Variants in TAOK1 observed in about 807,000 individuals in gnomAD.
TAOK1 encodes serine/threonine-protein kinase TAO1.
Under a neutral mutation model 138.3 loss-of-function variants are expected in TAOK1, and 21 were observed. That is an observed-to-expected ratio of 0.15 (90% CI 0.11 to 0.22). TAOK1 has a LOEUF of 0.22. Among genes scored for constraint, TAOK1 ranks in the 10% least tolerant of loss-of-function variants. The probability of loss-of-function intolerance (pLI) is 1.00; values close to 1 mark genes in which losing one functional copy is unlikely to be tolerated. For missense variants in TAOK1, 651 were observed against 1,227.7 expected (o/e 0.53, Z 7.02); for synonymous variants, 361 against 398.4 (o/e 0.91, Z 1.12).
chr17:29,548,635 C>T lies in TAOK1; in HGVS notation c.*5613C>T, dbSNP rs751600729. On this transcript the variant is annotated 3_prime_UTR_variant, in exon 20 of 20. Coordinates refer to ENST00000261716, the MANE Select transcript of TAOK1 (RefSeq NM_020791.4). ...GATACCCAGAATTCCCCCCAAAGTA[C>T]GGGTAATTCAACCTGCACAGTTTTC... 2 of 152,074 alleles carry T rather than the reference C, an allele frequency of 1.3e-5. No individual in the cohort carries two copies. The highest frequency in any genetic ancestry group is 4.8e-5 in the African/African-American group (2 of 41,422). The allele number at this position is 152,074 out of a possible 1,614,324, so 9.4% of individuals were successfully genotyped here.
intron 2 of TAOK1, among the ~76,000 whole-genome samples, chr17:29,452,420 A>G (rs17225878): frequency 0.16 from 24,782 of 152,088 alleles, 3,056 homozygotes; most frequent in East Asian, 0.65. Flanking sequence ...TTCAGAGTCA[A>G]TCTTAGTCTT....
chr17:29,403,554 TCTC>T (rs1487708317), intron 1 of TAOK1, among the ~76,000 whole-genome samples: 21 of 152,276 alleles, frequency 1.4e-4, no homozygotes, highest in African/African-American at 4.6e-4. Flanking sequence ...ATTTAAGTAA[TCTC>T]CTGCTGCATA....
chr17:29,480,626 T>C, intron 7 of TAOK1, 145 bp downstream of exon 7: 1 of 627,110 alleles, frequency 1.6e-6, no homozygotes, highest in Non-Finnish European at 2.6e-6. Flanking sequence ...CCCAGAACTT[T>C]GGGAGGCCGA....
At chr17:29,413,673 A>G (rs1661068163) in intron 1 of TAOK1, among the ~76,000 whole-genome samples, 1 of 152,154 alleles carries the variant, frequency 6.6e-6, no homozygotes, top group Non-Finnish European at 1.5e-5. Context: ...ACAGTGTTGT[A>G]TAGCTACTGT....
At chr17:29,530,960 A>G (rs1442999790) in intron 18 of TAOK1, among the ~76,000 whole-genome samples, 1 of 42,442 alleles carries the variant, frequency 2.4e-5, no homozygotes, top group African/African-American at 1.0e-4. Context: ...GTACAAGTAC[A>G]AATTTTTTTT....
chr17:29,503,561 C>T (rs182597505), intron 13 of TAOK1, among the ~76,000 whole-genome samples: 8 of 152,166 alleles, frequency 5.3e-5, no homozygotes, highest in Admixed American at 1.3e-4. Flanking sequence ...TACAAGGATG[C>T]TATAATGGGG....
chr17:29,469,107 C>T (rs1181450567), intron 3 of TAOK1, among the ~76,000 whole-genome samples: 1 of 151,988 alleles, frequency 6.6e-6, no homozygotes, highest in Admixed American at 6.6e-5. Context: ...TTCTGCCTGG[C>T]ACTGTGGTTC....
chr17:29,479,330 G>A (rs1049873855), intron 6 of TAOK1, among the ~76,000 whole-genome samples: 1 of 152,076 alleles, frequency 6.6e-6, no homozygotes, highest in Non-Finnish European at 1.5e-5. Flanking sequence ...TATGAACCAG[G>A]CAGTACATTT....
intron 1 of TAOK1, among the ~76,000 whole-genome samples, chr17:29,429,280 T>C (rs1905750873): frequency 6.6e-6 from 1 of 152,070 alleles, no homozygotes; most frequent in African/African-American, 2.4e-5. Flanking sequence ...TTCATCTACT[T>C]TCCTCTGATT....
intron 6 of TAOK1, among the ~76,000 whole-genome samples, chr17:29,478,747 G>C (rs998198813): frequency 2.0e-4 from 30 of 152,142 alleles, no homozygotes; most frequent in African/African-American, 6.8e-4. Context: ...GATAGAGCTA[G>C]AACTAAATCT....
intron 12 of TAOK1, among the ~76,000 whole-genome samples, chr17:29,499,400 T>G (rs995086612): frequency 6.6e-6 from 1 of 151,474 alleles, no homozygotes. Flanking sequence ...CCTGGCTAAT[T>G]TTTGTATTCT....
intron 2 of TAOK1, among the ~76,000 whole-genome samples, chr17:29,457,681 C>T (rs1379151352): frequency 2.0e-5 from 3 of 151,446 alleles, no homozygotes; most frequent in Non-Finnish European, 4.4e-5. Flanking sequence ...GCTGGGATTA[C>T]AGGCGTGAGC....
At chr17:29,432,252 A>G (rs557285876) in intron 1 of TAOK1, among the ~76,000 whole-genome samples, 26 of 152,348 alleles carry the variant, frequency 1.7e-4, no homozygotes, top group African/African-American at 5.8e-4. Context: ...GGGCCAAAAC[A>G]AAGGTATGGG....
intron 1 of TAOK1, among the ~76,000 whole-genome samples, chr17:29,410,133 T>C (rs752938507): frequency 1.1e-4 from 16 of 152,344 alleles, no homozygotes; most frequent in Admixed American, 4.6e-4. Flanking sequence ...CATTGCTGTG[T>C]GAGCGGGCAA....
At chr17:29,512,462 C>T (rs2153029758) in intron 15 of TAOK1, 1 of 152,176 alleles carries the variant, frequency 6.6e-6, no homozygotes, top group East Asian at 1.9e-4. Context: ...TCACTGCAAC[C>T]TTTGCCGCCT....
At position 29,534,303 on chromosome 17, in the gene TAOK1, AT is replaced by A; in HGVS notation, c.2544+4del. ...GGAGGGCACTCTTAGAACAAAAGGT[AT>A]AAGTAATAGAAGGAAAAATCATTGT... On this transcript the variant is annotated splice_donor_region_variant and intron_variant, in intron 19 of 19. Transcript: ENST00000261716. 6.4e-7 allele frequency: 1 copy of A among 1,554,758 alleles called. No individual in the cohort carries two copies. Among genetic ancestry groups the A allele is most frequent in the Non-Finnish European group, 8.7e-7 (1 of 1,152,274 alleles).
At chr17:29,462,938 A>G (rs889366533) in intron 2 of TAOK1, among the ~76,000 whole-genome samples, 1 of 152,090 alleles carries the variant, frequency 6.6e-6, no homozygotes, top group Non-Finnish European at 1.5e-5. Flanking sequence ...GATGATGTGT[A>G]GTATTGTGTT....
At chr17:29,528,142 C>T (rs536864031) in intron 17 of TAOK1, among the ~76,000 whole-genome samples, 51 of 152,210 alleles carry the variant, frequency 3.4e-4, no homozygotes, top group Non-Finnish European at 6.2e-4. Context: ...CTCCACCTCC[C>T]GGGTTCAAGC....
intron 17 of TAOK1, among the ~76,000 whole-genome samples, chr17:29,529,913 G>C (rs908692068): frequency 2.4e-4 from 36 of 151,506 alleles, no homozygotes; most frequent in Admixed American, 2.4e-3. Context: ...TGTGGTCCCA[G>C]CTACTCAGGA....
Sources: gnomAD v4.1 joint callset for allele counts (sites outside exome capture counted in the v4.1 genomes callset) on GRCh38, gnomAD v4.1.1 for gene constraint, MANE v1.5 for transcripts, NCBI Gene and HGNC (gene_info 2026-07-23, HGNC 2026-07-21) for gene names.